PTPRN2: variants seen among roughly 807,000 people sequenced by gnomAD.
The protein encoded by PTPRN2 is protein tyrosine phosphatase receptor type N2, also known as receptor-type tyrosine-protein phosphatase N2.
Under a neutral mutation model 118.8 loss-of-function variants are expected in PTPRN2, and 74 were observed. That is an observed-to-expected ratio of 0.62 (90% CI 0.52 to 0.76). PTPRN2 has a LOEUF of 0.76. Ranked by LOEUF, PTPRN2 falls within the 30% of genes least tolerant of loss-of-function variation. PTPRN2 has a pLI of 0.00. For missense variants in PTPRN2, 1,481 were observed against 1,394.4 expected (o/e 1.06, Z -0.99); for synonymous variants, 641 against 608.0 (o/e 1.05, Z -0.80).
At chr7:157,613,312 C>G (rs1447112219) in intron 15 of PTPRN2, among the ~76,000 whole-genome samples, 1 of 152,268 alleles carries the variant, frequency 6.6e-6, no homozygotes. Context: ...CAGTGCTGCT[C>G]TTCTCACAGA....
intron 2 of PTPRN2, among the ~76,000 whole-genome samples, chr7:158,332,795 C>A (rs1373615929): frequency 7.5e-3 from 1,103 of 147,514 alleles, no homozygotes; most frequent in African/African-American, 0.028. Context: ...AGAGCTGATG[C>A]CTGCAGACGT....
chr7:158,274,344 A>AGCCGCAGACACAGGGG (rs11402798), intron 3 of PTPRN2, among the ~76,000 whole-genome samples: 2 of 112,822 alleles, frequency 1.8e-5, no homozygotes, highest in African/African-American at 4.0e-5. Context: ...CAGACGCGGG[A>AGCCGCAGACACAGGGG]GAGCCACAGA....
At chr7:158,194,907 G>A (rs1176406395) in intron 4 of PTPRN2, among the ~76,000 whole-genome samples, 1 of 107,352 alleles carries the variant, frequency 9.3e-6, no homozygotes, top group Admixed American at 8.4e-5. Context: ...CTCCAGCTCT[G>A]ATGCGGTGTT....
intron 11 of PTPRN2, among the ~76,000 whole-genome samples, chr7:157,905,387 C>G (rs911006652): frequency 1.3e-5 from 2 of 152,178 alleles, no homozygotes; most frequent in Non-Finnish European, 2.9e-5. Flanking sequence ...GGCGTGGAGA[C>G]AGTTGGAGAA....
At chr7:158,548,190 T>A (rs982822812) in intron 1 of PTPRN2, among the ~76,000 whole-genome samples, 1 of 152,196 alleles carries the variant, frequency 6.6e-6, no homozygotes, top group East Asian at 1.9e-4. Flanking sequence ...GAGATCAGGA[T>A]CCTGTCACAA....
At chr7:158,062,774 G>A (rs916246602) in intron 11 of PTPRN2, among the ~76,000 whole-genome samples, 30 of 152,332 alleles carry the variant, frequency 2.0e-4, no homozygotes, top group Admixed American at 4.6e-4. Context: ...CCAGCACTGC[G>A]CTCAAATTCT....
At chr7:157,952,223 C>T (rs935026921) in intron 11 of PTPRN2, among the ~76,000 whole-genome samples, 36 of 152,270 alleles carry the variant, frequency 2.4e-4, no homozygotes, top group African/African-American at 5.5e-4. Context: ...CCTCGCCAGA[C>T]GCGGGCGATG....
rs1169267420 is a variant in PTPRN2, at chr7:158,529,460, C to T, written c.113-39675G>A. ...AGGACAGGGAAGGTGCTGCTGACCACGGCCAGCAACGACGAGCCATGGTGA... is the reference window on the plus strand; with the variant it reads ...AGGACAGGGAAGGTGCTGCTGACCATGGCCAGCAACGACGAGCCATGGTGA... On this transcript the variant is annotated intron_variant, in intron 1 of 22. Coordinates refer to ENST00000389418, the MANE Select transcript of PTPRN2 (RefSeq NM_002847.5). The surrounding 1 kb of genome is among the most constrained non-coding windows in gnomAD (Gnocchi z 4.7). 6.6e-6 allele frequency among the ~76,000 whole-genome samples: 1 copy of T among 152,160 alleles called. No homozygotes were observed. The highest frequency in any genetic ancestry group is 6.5e-5 in the Admixed American group (1 of 15,282).
At chr7:158,176,381 C>A (rs1432370384) in intron 5 of PTPRN2, among the ~76,000 whole-genome samples, 4 of 152,150 alleles carry the variant, frequency 2.6e-5, no homozygotes, top group Non-Finnish European at 5.9e-5. Flanking sequence ...ATGGTACAGA[C>A]ATGATTACCC....
intron 11 of PTPRN2, among the ~76,000 whole-genome samples, chr7:158,071,176 A>G (rs867108954): frequency 1.2e-3 from 3 of 2,550 alleles, no homozygotes; most frequent in Non-Finnish European, 2.0e-3. Flanking sequence ...AGGTGCTCTT[A>G]GTATGGAGGT....
At chr7:157,559,744 G>A (rs1232824173) in intron 21 of PTPRN2, among the ~76,000 whole-genome samples, 1 of 152,194 alleles carries the variant, frequency 6.6e-6, no homozygotes, top group East Asian at 1.9e-4. Context: ...CCAAACAGGA[G>A]TTTGAACAGA....
chr7:158,451,942 G>C (rs1469628029), intron 2 of PTPRN2, among the ~76,000 whole-genome samples: 1 of 151,862 alleles, frequency 6.6e-6, no homozygotes. Flanking sequence ...TTTTATTTTG[G>C]GGTAAGGAGT....
At chr7:158,572,151 T>G (rs1321136841) in intron 1 of PTPRN2, among the ~76,000 whole-genome samples, 1 of 152,196 alleles carries the variant, frequency 6.6e-6, no homozygotes, top group East Asian at 1.9e-4. Context: ...GCAAGTCCAA[T>G]GACTAGCACA....
chr7:158,036,796 T>C (rs1173759931), intron 11 of PTPRN2, among the ~76,000 whole-genome samples: 7 of 152,178 alleles, frequency 4.6e-5, no homozygotes, highest in Non-Finnish European at 1.0e-4. Context: ...GAAATAATCA[T>C]CCTTTAACAA....
chr7:158,366,618 T>A (rs1034174554), intron 2 of PTPRN2, among the ~76,000 whole-genome samples: 15 of 131,408 alleles, frequency 1.1e-4, no homozygotes, highest in African/African-American at 4.3e-4. Flanking sequence ...AGCCCCTCCA[T>A]CCACCGAGAC....
chr7:157,558,594 G>A (rs147672140), intron 21 of PTPRN2, among the ~76,000 whole-genome samples: 31 of 152,340 alleles, frequency 2.0e-4, no homozygotes, highest in South Asian at 4.1e-4. Flanking sequence ...CCTGGAACAC[G>A]CACACACCAC....
At chr7:158,341,637 CA>C (rs1806829335) in intron 2 of PTPRN2, among the ~76,000 whole-genome samples, 1 of 85,304 alleles carries the variant, frequency 1.2e-5, no homozygotes, top group Non-Finnish European at 2.5e-5. Context: ...AGAGGTAACA[CA>C]TGCAGACGTC....
At chr7:158,561,901 C>T (rs1827411166) in intron 1 of PTPRN2, among the ~76,000 whole-genome samples, 1 of 152,190 alleles carries the variant, frequency 6.6e-6, no homozygotes. Context: ...TTGGGTGAAG[C>T]ATTGCAGCCC....
chr7:157,604,998 G>A (rs527455529), intron 15 of PTPRN2, among the ~76,000 whole-genome samples: 1 of 152,354 alleles, frequency 6.6e-6, no homozygotes, highest in African/African-American at 2.4e-5. Context: ...TCTCTGCAAG[G>A]TGCGCTTTGT....
Sources: allele counts gnomAD v4.1 joint callset (sites outside exome capture counted in the v4.1 genomes callset), GRCh38; gene constraint gnomAD v4.1.1; non-coding constraint Gnocchi (gnomAD v3.1); transcripts MANE v1.5; gene names NCBI Gene and HGNC (gene_info 2026-07-23, HGNC 2026-07-21).